PMFBP1: variants seen among roughly 807,000 people sequenced by gnomAD.
The protein encoded by PMFBP1 is polyamine modulated factor 1 binding protein 1.
PMFBP1 carries 131 observed loss-of-function variants against 137.8 expected under a neutral mutation model. The observed-to-expected ratio is 0.95, with a 90% confidence interval of 0.82 to 1.10. The LOEUF (loss-of-function observed/expected upper bound fraction) is 1.10. Among genes scored for constraint, PMFBP1 ranks in the 50% least tolerant of loss-of-function variants. The pLI, the probability that PMFBP1 is intolerant of heterozygous loss-of-function variation, is 0.00. For missense variants in PMFBP1, 1,199 were observed against 1,175.4 expected, an observed-to-expected ratio of 1.02 and a Z score of -0.29; for synonymous variants, 490 against 450.4, an observed-to-expected ratio of 1.09 and a Z score of -1.11.
At chr16:72,198,858 C>A in the PMFBP1 span, among the ~76,000 whole-genome samples, 1 of 136,340 alleles carries the variant, frequency 7.3e-6, no homozygotes, top group Non-Finnish European at 1.6e-5. Flanking sequence ...CCAGGAGGTA[C>A]GGCCGCCGAT....
At chr16:72,155,025 G>A (rs1224384049) in intron 3 of PMFBP1, among the ~76,000 whole-genome samples, 1 of 151,202 alleles carries the variant, frequency 6.6e-6, no homozygotes, top group Non-Finnish European at 1.5e-5. Flanking sequence ...CTCTGTGTGC[G>A]TGTGTGTGTG....
chr16:72,228,955 C>T, the PMFBP1 span, among the ~76,000 whole-genome samples: 12 of 151,570 alleles, frequency 7.9e-5, no homozygotes, highest in South Asian at 6.3e-4. Flanking sequence ...TTTTATCACC[C>T]GTAATAAGCA....
At chr16:72,248,701 T>G in the PMFBP1 span, among the ~76,000 whole-genome samples, 42 of 152,218 alleles carry the variant, frequency 2.8e-4, no homozygotes, top group Middle Eastern at 3.2e-3. Context: ...TTCTTCTCCA[T>G]AAATCAACTT....
rs747172911 is a variant in PMFBP1, at chr16:72,136,717, C to A, written c.1021G>T (p.Glu341Ter). The A allele has an allele frequency of 2.5e-6, 4 of 1,614,156 alleles. No individual in the cohort carries two copies. The African/African-American group carries it at 4.0e-5, about 16-fold the overall frequency. ...DLRVELEAVSEQKRNIMKDMM... is the reference protein window; with the variant it reads ...DLRVELEAVS ...CCCTTCATGATGTTTCTCTTCTGTTCCGACACGGCCTCTAGTTCCACGCGC... is the reference window on the plus strand; with the variant it reads ...CCCTTCATGATGTTTCTCTTCTGTTACGACACGGCCTCTAGTTCCACGCGC... The change falls in exon 8 of 21, where the codon GAA becomes TAA. Residue 341 changes from glutamate (E) to a stop codon, truncating the protein, a stop_gained. Transcript: ENST00000237353. LOFTEE classifies it high-confidence loss of function.
chr16:72,183,119 A>C, the PMFBP1 span, among the ~76,000 whole-genome samples: 24,966 of 152,150 alleles, frequency 0.16, 2,356 homozygotes, highest in East Asian at 0.29. Flanking sequence ...TGGGCACTGC[A>C]TGCCACCTTG....
chr16:72,176,801 T>C (rs2043260926), upstream of PMFBP1: 2 of 152,264 alleles, frequency 1.3e-5, no homozygotes, highest in African/African-American at 4.8e-5. Context: ...CTCTCAGAGA[T>C]CTCTCTCTAC....
rs759000023 is a variant in PMFBP1, at chr16:72,119,917, C to A, written c.2941G>T (p.Gly981Trp). Residue 981 changes from glycine (G) to tryptophan (W), a missense_variant, in exon 20 of 21, where the codon GGG (glycine) becomes TGG (tryptophan). Transcript: ENST00000237353. ...CTTTGACCCATATCCTGGGGCAACC[C>A]CTTCCAGCCCAAGGTGCCGCACACT... is the stretch of plus-strand genomic sequence containing the variant. ...EKVCGTLGWK[G>W]LPQDMGQRMD... 9.3e-6 allele frequency: 15 copies of A among 1,614,074 alleles called. 1 individual carries two copies. The South Asian group carries it at 1.4e-4, about 15-fold the overall frequency.
chr16:72,206,888 G>A, the PMFBP1 span, among the ~76,000 whole-genome samples: 2 of 152,202 alleles, frequency 1.3e-5, no homozygotes, highest in African/African-American at 4.8e-5. Flanking sequence ...TTAAAAATAT[G>A]CCTGTAGAAA....
chr16:72,177,391 T>C (rs147163816), upstream of PMFBP1, among the ~76,000 whole-genome samples: 8 of 152,308 alleles, frequency 5.3e-5, no homozygotes, highest in Non-Finnish European at 1.2e-4. Context: ...CTTTCCCCCT[T>C]ACAGCCCTTT....
intron 6 of PMFBP1, 52 bp downstream of exon 6, chr16:72,140,360 C>A: frequency 6.6e-7 from 1 of 1,523,652 alleles, no homozygotes; most frequent in Non-Finnish European, 9.1e-7. Flanking sequence ...TTTCTCTCCC[C>A]ATGTCTTGAT....
At chr16:72,244,617 C>CT in the PMFBP1 span, among the ~76,000 whole-genome samples, 1 of 152,172 alleles carries the variant, frequency 6.6e-6, no homozygotes, top group South Asian at 2.1e-4. Flanking sequence ...AGGGCCACAT[C>CT]TAAAGATTTC....
At chr16:72,159,080 G>A (rs988571141) in intron 3 of PMFBP1, among the ~76,000 whole-genome samples, 3 of 152,182 alleles carry the variant, frequency 2.0e-5, no homozygotes, top group Non-Finnish European at 4.4e-5. Context: ...GTATGACCCT[G>A]CTGAAAACTA....
intron 3 of PMFBP1, among the ~76,000 whole-genome samples, chr16:72,159,791 CTTT>C (rs1260378172): frequency 8.5e-6 from 1 of 118,058 alleles, no homozygotes; most frequent in African/African-American, 3.7e-5. Context: ...CCTATTGCTT[CTTT>C]GTCTTTTTTT....
At chr16:72,205,233 G>A in the PMFBP1 span, among the ~76,000 whole-genome samples, 3 of 152,346 alleles carry the variant, frequency 2.0e-5, no homozygotes, top group South Asian at 2.1e-4. Flanking sequence ...TTCTAAAAGC[G>A]ATCTGCCTGC....
At chr16:72,210,931 T>A in the PMFBP1 span, among the ~76,000 whole-genome samples, 3 of 152,208 alleles carry the variant, frequency 2.0e-5, no homozygotes, top group Non-Finnish European at 4.4e-5. Flanking sequence ...ATTACCAAGA[T>A]CTTCCATATG....
At chr16:72,170,576 C>T (rs980502547) in intron 2 of PMFBP1, among the ~76,000 whole-genome samples, 3 of 152,058 alleles carry the variant, frequency 2.0e-5, no homozygotes, top group Non-Finnish European at 4.4e-5. Flanking sequence ...ACCAAAAGAG[C>T]GTGCCACCAC....
At chr16:72,136,855 G>T (rs760239919) in intron 7 of PMFBP1, 36 bp from the exon 8 acceptor site, 1 of 1,613,020 alleles carries the variant, frequency 6.2e-7, no homozygotes, top group Non-Finnish European at 8.5e-7. Context: ...ATGAGGAGAT[G>T]AGAGACAATG....
chr16:72,192,041 T>C, the PMFBP1 span, among the ~76,000 whole-genome samples: 4 of 152,208 alleles, frequency 2.6e-5, no homozygotes, highest in Non-Finnish European at 5.9e-5. Context: ...ATTACCAATA[T>C]GTGGCTTCTA....
chr16:72,135,363 T>TG (rs55957108), intron 9 of PMFBP1, among the ~76,000 whole-genome samples: 1 of 136,282 alleles, frequency 7.3e-6, no homozygotes, highest in Non-Finnish European at 1.6e-5. Flanking sequence ...GTGTGTGTTT[T>TG]TTTTTTTTTT....
Sources: gnomAD v4.1 joint callset for allele counts (sites outside exome capture counted in the v4.1 genomes callset) on GRCh38, gnomAD v4.1.1 for gene constraint, MANE v1.5 for transcripts, NCBI Gene and HGNC (gene_info 2026-07-23, HGNC 2026-07-21) for gene names.